Variants in NR3C1 observed in about 807,000 individuals in gnomAD.
The protein encoded by NR3C1 is nuclear receptor subfamily 3 group C member 1, also known as glucocorticoid receptor.
NR3C1 carries 14 observed loss-of-function variants against 74.0 expected under a neutral mutation model. That is an observed-to-expected ratio of 0.19 (90% CI 0.12 to 0.30). The LOEUF is 0.30. NR3C1 is among the 10% of genes least tolerant of loss of function. The probability of loss-of-function intolerance (pLI) is 1.00; values close to 1 mark genes in which losing one functional copy is unlikely to be tolerated. For synonymous variants in NR3C1, 308 were observed against 332.5 expected, an observed-to-expected ratio of 0.93 and a Z score of 0.80; for missense variants, 695 against 909.8, an observed-to-expected ratio of 0.76 and a Z score of 3.04.
chr5:143,291,144 A>G (rs954389829), intron 7 of NR3C1, among the ~76,000 whole-genome samples: 3 of 152,132 alleles, frequency 2.0e-5, no homozygotes, highest in Non-Finnish European at 4.4e-5. Context: ...GTTATTTTAT[A>G]TACATAGTAA....
intron 3 of NR3C1, among the ~76,000 whole-genome samples, chr5:143,311,430 T>C (rs1421223566): frequency 6.6e-6 from 1 of 152,224 alleles, no homozygotes; most frequent in Non-Finnish European, 1.5e-5. Flanking sequence ...GTATGTCTTG[T>C]GCACAGCTAA....
chr5:143,344,435 T>C (rs1229293326), intron 2 of NR3C1, among the ~76,000 whole-genome samples: 3 of 152,248 alleles, frequency 2.0e-5, no homozygotes, highest in African/African-American at 7.2e-5. Context: ...GCATTATTAC[T>C]AGCCCCATTT....
intron 2 of NR3C1, among the ~76,000 whole-genome samples, chr5:143,383,746 T>C (rs915276726): frequency 1.3e-5 from 2 of 152,252 alleles, no homozygotes; most frequent in African/African-American, 4.8e-5. Flanking sequence ...GTTATCAATT[T>C]AGGACTCATG....
intron 1 of NR3C1, among the ~76,000 whole-genome samples, chr5:143,428,383 A>C (rs1439185621): frequency 6.6e-6 from 1 of 152,198 alleles, no homozygotes; most frequent in Non-Finnish European, 1.5e-5. Flanking sequence ...AGCTTCTGTA[A>C]TTCAGGTCAT....
At chr5:143,316,578 C>T (rs1236308601) in intron 2 of NR3C1, among the ~76,000 whole-genome samples, 3 of 152,142 alleles carry the variant, frequency 2.0e-5, no homozygotes, top group Non-Finnish European at 2.9e-5. Context: ...AGCCTATCTA[C>T]GGTGAAGCTG....
intron 2 of NR3C1, among the ~76,000 whole-genome samples, chr5:143,362,729 G>A (rs1473379210): frequency 2.0e-5 from 3 of 152,148 alleles, no homozygotes; most frequent in African/African-American, 2.4e-5. Context: ...CAAAAGGATT[G>A]TCTTTATTTT....
chr5:143,306,949 T>C (rs1819752217), intron 4 of NR3C1, among the ~76,000 whole-genome samples: 1 of 139,322 alleles, frequency 7.2e-6, no homozygotes, highest in African/African-American at 2.7e-5. Context: ...CAGGCTGGAG[T>C]GCAGTGGCGC....
chr5:143,383,680 C>G (rs969280350), intron 2 of NR3C1, among the ~76,000 whole-genome samples: 3 of 152,088 alleles, frequency 2.0e-5, no homozygotes, highest in African/African-American at 7.2e-5. Flanking sequence ...AGAGAAGGAG[C>G]CTGAATTCTA....
intron 7 of NR3C1, among the ~76,000 whole-genome samples, chr5:143,283,186 A>G (rs955895179): frequency 2.0e-5 from 3 of 152,204 alleles, no homozygotes. Flanking sequence ...ATTTCTTGCT[A>G]TAACTTTTTA....
intron 1 of NR3C1, among the ~76,000 whole-genome samples, chr5:143,433,230 A>G (rs953591636): frequency 6.6e-6 from 1 of 151,922 alleles, no homozygotes; most frequent in Non-Finnish European, 1.5e-5. Flanking sequence ...AGAAGCCCTA[A>G]GCCTGTGCTG....
chr5:143,327,824 G>A (rs1201766710), intron 2 of NR3C1, among the ~76,000 whole-genome samples: 1 of 152,270 alleles, frequency 6.6e-6, no homozygotes, highest in East Asian at 1.9e-4. Flanking sequence ...CTGTGGCTCA[G>A]CAGGGTACCC....
At chr5:143,357,617 A>C (rs1235645634) in intron 2 of NR3C1, among the ~76,000 whole-genome samples, 2 of 152,208 alleles carry the variant, frequency 1.3e-5, no homozygotes, top group East Asian at 3.8e-4. Flanking sequence ...TTCCACACTT[A>C]AAAAATTTCC....
chr5:143,287,094 A>G (rs1056246665), intron 7 of NR3C1, among the ~76,000 whole-genome samples: 3 of 152,112 alleles, frequency 2.0e-5, no homozygotes, highest in African/African-American at 7.2e-5. Flanking sequence ...ATAAGAAAAT[A>G]AGGTCTTCAA....
Position 143,354,607 on chromosome 5 carries a change from T to C in NR3C1, c.1185-40439A>G, listed in dbSNP as rs564052828. 2.0e-5 allele frequency among the ~76,000 whole-genome samples: 3 copies of C among 152,230 alleles called. No individual in the cohort carries two copies. In the South Asian group the frequency reaches 6.2e-4, roughly 32 times the overall value. The stretch of plus-strand genomic sequence containing the variant: ...TTTATCAATTAAGTACGGTGCCTTA[T>C]ACAGGTGAGGTTTATGGTGCCTGAA... On this transcript the variant is annotated intron_variant, in intron 2 of 8. Transcript: ENST00000394464.
chr5:143,297,882 A>G (rs1286688444), intron 6 of NR3C1, among the ~76,000 whole-genome samples: 1 of 152,126 alleles, frequency 6.6e-6, no homozygotes. Flanking sequence ...AGAGGAAGTG[A>G]GGTCAGATTC....
At chr5:143,316,871 C>T (rs565466581) in intron 2 of NR3C1, among the ~76,000 whole-genome samples, 1 of 152,148 alleles carries the variant, frequency 6.6e-6, no homozygotes, top group Admixed American at 6.5e-5. Context: ...GACCGTATTC[C>T]CAAATTCTTA....
intron 2 of NR3C1, among the ~76,000 whole-genome samples, chr5:143,336,075 T>G (rs555637416): frequency 2.0e-5 from 3 of 152,230 alleles, no homozygotes; most frequent in African/African-American, 7.2e-5. Context: ...TTAGTAAGAA[T>G]GTTTTGGATG....
intron 1 of NR3C1, among the ~76,000 whole-genome samples, chr5:143,420,019 A>G (rs35515833): frequency 0.18 from 27,664 of 152,112 alleles, 2,729 homozygotes; most frequent in Middle Eastern, 0.35. Context: ...AGAATTCAGC[A>G]ATATTTCTCC....
At chr5:143,418,588 T>G (rs549285918) in intron 1 of NR3C1, among the ~76,000 whole-genome samples, 1 of 152,238 alleles carries the variant, frequency 6.6e-6, no homozygotes, top group East Asian at 1.9e-4. Flanking sequence ...GTAAATAAGG[T>G]ATGGCCCCTG....
Sources: gnomAD v4.1 joint callset for allele counts (sites outside exome capture counted in the v4.1 genomes callset) on GRCh38, gnomAD v4.1.1 for gene constraint, MANE v1.5 for transcripts, NCBI Gene and HGNC (gene_info 2026-07-23, HGNC 2026-07-21) for gene names.